Variants in SIPA1L1 observed in about 807,000 individuals in gnomAD.
The protein encoded by SIPA1L1 is signal induced proliferation associated 1 like 1.
SIPA1L1 carries 26 observed loss-of-function variants against 162.7 expected under a neutral mutation model. The observed-to-expected ratio is 0.16, with a 90% CI of 0.12 to 0.22. The LOEUF is 0.22. Among genes scored for constraint, SIPA1L1 ranks in the 10% least tolerant of loss-of-function variants. SIPA1L1 has a pLI of 1.00. For missense variants in SIPA1L1, 1,874 were observed against 2,241.0 expected (o/e 0.84, Z 3.31); for synonymous variants, 829 against 837.4 (o/e 0.99, Z 0.17).
chr14:71,434,311 T>C (rs2044217009), intron 2 of SIPA1L1, among the ~76,000 whole-genome samples: 1 of 152,222 alleles, frequency 6.6e-6, no homozygotes, highest in African/African-American at 2.4e-5. Flanking sequence ...GAAATACATA[T>C]ACTCTTGATG....
rs868167296 is a variant in SIPA1L1 at position 71,377,299 on chromosome 14, A to G, written c.-465+56118A>G. On this transcript the variant is annotated intron_variant, in intron 2 of 23. Transcript: ENST00000381232. The surrounding 1 kb of genome is among the most constrained non-coding windows in gnomAD (Gnocchi z 4.8). Reference sequence around the variant, plus strand: ...CGGGGGCGTTCTCCACTTCTCAGACAGGGCGGCTGCCGGGTGGAGGGGCTC... The same window carrying G: ...CGGGGGCGTTCTCCACTTCTCAGACGGGGCGGCTGCCGGGTGGAGGGGCTC... Among the ~76,000 whole-genome samples the G allele has an allele frequency of 6.7e-6, 1 of 149,328 alleles. No individual in the cohort carries two copies. Among genetic ancestry groups the G allele is most frequent in the East Asian group, 2.0e-4 (1 of 4,990 alleles).
chr14:71,602,989 T>C (rs1334669007), intron 5 of SIPA1L1, among the ~76,000 whole-genome samples: 1 of 152,230 alleles, frequency 6.6e-6, no homozygotes, highest in African/African-American at 2.4e-5. Context: ...TATTGGAGTC[T>C]TTCTCTTTAA....
At chr14:71,626,937 T>C (rs548839325) in intron 7 of SIPA1L1, among the ~76,000 whole-genome samples, 25 of 152,126 alleles carry the variant, frequency 1.6e-4, no homozygotes, top group African/African-American at 5.8e-4. Flanking sequence ...TAAAATTTTA[T>C]CTATTAAATA....
At chr14:71,334,615 G>A (rs924200898) in intron 2 of SIPA1L1, among the ~76,000 whole-genome samples, 2 of 152,238 alleles carry the variant, frequency 1.3e-5, no homozygotes, top group African/African-American at 4.8e-5. Flanking sequence ...AGGTGGGAGG[G>A]TATTGTAGTA....
intron 4 of SIPA1L1, among the ~76,000 whole-genome samples, chr14:71,563,597 A>G (rs2056961624): frequency 6.6e-6 from 1 of 152,198 alleles, no homozygotes; most frequent in Admixed American, 6.5e-5. Context: ...GCTACTTCTC[A>G]TGACCTATTT....
At chr14:71,717,997 C>T (rs2083399993) in intron 17 of SIPA1L1, among the ~76,000 whole-genome samples, 1 of 152,198 alleles carries the variant, frequency 6.6e-6, no homozygotes, top group Admixed American at 6.5e-5. Flanking sequence ...GCGACTTCAC[C>T]TTCTTCACCT....
chr14:71,658,733 A>G (rs1274010478), intron 9 of SIPA1L1, among the ~76,000 whole-genome samples: 1 of 152,234 alleles, frequency 6.6e-6, no homozygotes, highest in Non-Finnish European at 1.5e-5. Context: ...TGGTGATTAC[A>G]TGACTCTGCA....
chr14:71,571,774 TGGGACTACAGGC>T (rs1018923040), intron 4 of SIPA1L1, among the ~76,000 whole-genome samples: 11 of 151,146 alleles, frequency 7.3e-5, no homozygotes, highest in African/African-American at 2.7e-4. Flanking sequence ...CCGGAGTAGC[TGGGACTACAGGC>T]GCCTGCCACC....
chr14:71,712,820 G>C (rs999419486), intron 17 of SIPA1L1, among the ~76,000 whole-genome samples: 2 of 152,168 alleles, frequency 1.3e-5, no homozygotes, highest in African/African-American at 4.8e-5. Context: ...GACCTGACTT[G>C]TTTTGGTGTC....
chr14:71,510,250 G>T (rs907554622), intron 2 of SIPA1L1, among the ~76,000 whole-genome samples: 3 of 131,700 alleles, frequency 2.3e-5, no homozygotes, highest in Admixed American at 8.8e-5. Context: ...GCAGTGGCAC[G>T]ATCTTGGCTC....
At chr14:71,520,068 C>T (rs545066564) in intron 3 of SIPA1L1, among the ~76,000 whole-genome samples, 175 of 152,230 alleles carry the variant, frequency 1.1e-3, no homozygotes, top group African/African-American at 3.8e-3. Context: ...CACCACTGCA[C>T]TCAAGCCTAG....
At chr14:71,509,525 T>C (rs1320425644) in intron 2 of SIPA1L1, among the ~76,000 whole-genome samples, 1 of 152,134 alleles carries the variant, frequency 6.6e-6, no homozygotes, top group Admixed American at 6.5e-5. Context: ...AGTGGATTGC[T>C]TGAGGTCAGG....
intron 2 of SIPA1L1, among the ~76,000 whole-genome samples, chr14:71,421,100 C>G (rs1398531794): frequency 6.6e-6 from 1 of 152,038 alleles, no homozygotes; most frequent in African/African-American, 2.4e-5. Flanking sequence ...CAGTTTTGTT[C>G]TTCTTTGTGA....
intron 17 of SIPA1L1, among the ~76,000 whole-genome samples, chr14:71,718,405 C>T (rs2150129921): frequency 6.6e-6 from 1 of 152,234 alleles, no homozygotes; most frequent in Admixed American, 6.5e-5. Flanking sequence ...TGGCATTTCA[C>T]ACCTGGGAGC....
chr14:71,543,880 T>G lies in SIPA1L1; in HGVS notation c.-303+14510T>G, dbSNP rs189231011. On this transcript the variant is annotated intron_variant, in intron 4 of 23. Coordinates refer to ENST00000381232, the MANE Select transcript of SIPA1L1 (RefSeq NM_001386936.1). ...TACATATATCATACGTATGTGTATA[T>G]ATACATATATCATACGTATATGTGT... Among the ~76,000 whole-genome samples the G allele has an allele frequency of 7.0e-4, 79 of 113,576 alleles. No homozygotes were observed. The East Asian group carries it at 0.025, about 35-fold the overall frequency. The allele number at this position is 113,576 out of a possible 152,430, so 74.5% of individuals were successfully genotyped here.
rs185279381 is a variant in SIPA1L1 at position 71,647,565 on chromosome 14, C to G, written c.1819-2770C>G. Among the ~76,000 whole-genome samples the G allele has an allele frequency of 3.0e-4, 46 of 152,190 alleles. 1 individual carries two copies. The highest frequency in any genetic ancestry group is 1.1e-3 in the African/African-American group (44 of 41,528). Reference sequence around the variant, plus strand: ...TACCCTGTTGCAAGCGAAGGCTGTTCTGGAAGGCATAGCCAGACAGCATGT... The same window carrying G: ...TACCCTGTTGCAAGCGAAGGCTGTTGTGGAAGGCATAGCCAGACAGCATGT... On this transcript the variant is annotated intron_variant, in intron 7 of 23. Transcript: ENST00000381232.
intron 13 of SIPA1L1, among the ~76,000 whole-genome samples, chr14:71,694,499 A>T (rs183790683): frequency 1.4e-3 from 216 of 152,312 alleles, no homozygotes; most frequent in Non-Finnish European, 2.4e-3. Flanking sequence ...CAATAAAAAA[A>T]AAAGCCCTGG....
At chr14:71,718,617 T>C (rs2083447040) in intron 17 of SIPA1L1, among the ~76,000 whole-genome samples, 1 of 152,198 alleles carries the variant, frequency 6.6e-6, no homozygotes, top group Non-Finnish European at 1.5e-5. Context: ...ACCACTGCAC[T>C]CTAGCCTGAG....
chr14:71,469,180 C>T (rs1258985126), intron 2 of SIPA1L1, among the ~76,000 whole-genome samples: 8 of 151,498 alleles, frequency 5.3e-5, no homozygotes, highest in Non-Finnish European at 1.0e-4. Context: ...TGAGACCTTA[C>T]CCATCCGCAG....
Sources: allele counts gnomAD v4.1 joint callset (sites outside exome capture counted in the v4.1 genomes callset), GRCh38; gene constraint gnomAD v4.1.1; non-coding constraint Gnocchi (gnomAD v3.1); transcripts MANE v1.5; gene names NCBI Gene and HGNC (gene_info 2026-07-23, HGNC 2026-07-21).